The following GPC6 variants were observed in gnomAD, a reference collection of about 807,000 sequenced individuals.
The protein encoded by GPC6 is glypican 6, also known as glypican-6.
A neutral mutation model predicts 55.2 loss-of-function variants in GPC6; 14 were observed. The ratio of observed to expected loss-of-function variants is 0.25; its 90% CI spans 0.17 to 0.40. GPC6 has a LOEUF of 0.40. GPC6 is among the 10% of genes least tolerant of loss of function. The probability of loss-of-function intolerance (pLI) is 1.00; values close to 1 mark genes in which losing one functional copy is unlikely to be tolerated. For missense variants in GPC6, 641 were observed against 708.5 expected (o/e 0.90, Z 1.08); for synonymous variants, 278 against 259.6 (o/e 1.07, Z -0.68).
chr13:93,807,354 T>G (rs1454094788), intron 2 of GPC6, among the ~76,000 whole-genome samples: 1 of 152,196 alleles, frequency 6.6e-6, no homozygotes, highest in Admixed American at 6.5e-5. Flanking sequence ...TTAGAAAATT[T>G]AAAGATTTGT....
chr13:93,334,682 G>A (rs2139141464), intron 1 of GPC6, among the ~76,000 whole-genome samples: 1 of 152,258 alleles, frequency 6.6e-6, no homozygotes, highest in South Asian at 2.1e-4. Context: ...GGCTGGGATA[G>A]TCTCGAACCC....
intron 4 of GPC6, among the ~76,000 whole-genome samples, chr13:94,151,384 A>G (rs1439288403): frequency 1.3e-5 from 2 of 152,158 alleles, no homozygotes; most frequent in African/African-American, 4.8e-5. Flanking sequence ...GACCTTTTAT[A>G]TCTGTCCCCC....
chr13:94,083,327 C>A (rs576766810), intron 4 of GPC6, among the ~76,000 whole-genome samples: 3 of 152,104 alleles, frequency 2.0e-5, no homozygotes, highest in Non-Finnish European at 4.4e-5. Flanking sequence ...ACCGTGTTAG[C>A]CAGGATGGTC....
At chr13:94,194,127 G>C (rs2138966428) in intron 4 of GPC6, among the ~76,000 whole-genome samples, 1 of 152,250 alleles carries the variant, frequency 6.6e-6, no homozygotes, top group East Asian at 1.9e-4. Flanking sequence ...CAGTTATATA[G>C]ATTTAAATAT....
At chr13:94,285,389 G>C (rs1055432167) in intron 4 of GPC6, among the ~76,000 whole-genome samples, 8 of 152,096 alleles carry the variant, frequency 5.3e-5, no homozygotes, top group Admixed American at 4.6e-4. Context: ...CATGGTCAGA[G>C]TTCAACGTGG....
chr13:94,101,354 A>G (rs1566406350), intron 4 of GPC6, among the ~76,000 whole-genome samples: 2 of 152,160 alleles, frequency 1.3e-5, no homozygotes, highest in African/African-American at 2.4e-5. Context: ...TACTCATCTG[A>G]AAAATGAAGC....
rs151091557 is a variant in GPC6, at chr13:93,949,499, A to G, written c.712-78230A>G. ...TCAAGGATCCCCAAGTTCACAATAA[A>G]TGTGTATATTATACATGAGAACAGA... On this transcript the variant is annotated intron_variant, in intron 3 of 8. Coordinates refer to ENST00000377047, the MANE Select transcript of GPC6 (RefSeq NM_005708.5). Among the ~76,000 whole-genome samples the G allele has an allele frequency of 4.1e-3, 619 of 152,252 alleles. 2 individuals are homozygous for G. The highest frequency in any genetic ancestry group is 5.7e-3 in the Non-Finnish European group (391 of 68,012).
intron 1 of GPC6, among the ~76,000 whole-genome samples, chr13:93,522,829 G>A (rs1185489942): frequency 6.6e-6 from 1 of 151,852 alleles, no homozygotes; most frequent in African/African-American, 2.4e-5. Context: ...CCATGGAAGA[G>A]GTTGAAAGAG....
At chr13:93,470,711 T>C (rs915930006) in intron 1 of GPC6, among the ~76,000 whole-genome samples, 1 of 152,066 alleles carries the variant, frequency 6.6e-6, no homozygotes, top group Non-Finnish European at 1.5e-5. Context: ...TTTTATAAAA[T>C]TGGTGTTATT....
intron 3 of GPC6, among the ~76,000 whole-genome samples, chr13:93,894,663 G>A (rs1345581069): frequency 6.6e-6 from 1 of 152,104 alleles, no homozygotes; most frequent in East Asian, 1.9e-4. Flanking sequence ...AAGATTGTCG[G>A]TTGTGGTTTC....
chr13:93,919,004 A>G (rs1009225029), intron 3 of GPC6, among the ~76,000 whole-genome samples: 2 of 152,126 alleles, frequency 1.3e-5, no homozygotes, highest in African/African-American at 4.8e-5. Context: ...TGGTGATTGG[A>G]TCATGGGACA....
At chr13:94,326,260 G>T (rs926271420) in intron 6 of GPC6, among the ~76,000 whole-genome samples, 1 of 151,138 alleles carries the variant, frequency 6.6e-6, no homozygotes, top group Non-Finnish European at 1.5e-5. Context: ...CCAAAATAGA[G>T]AATTATCTTA....
chr13:93,744,727 C>T lies in GPC6; in HGVS notation c.320-85427C>T, dbSNP rs76210710. On this transcript the variant is annotated intron_variant, in intron 2 of 8. Coordinates refer to ENST00000377047, the MANE Select transcript of GPC6 (RefSeq NM_005708.5). ...GGCTGACGCAGGTGGATCACGAGTTCGAGACCAGACTGGCCAATATGGTGA... is the reference window on the plus strand; with the variant it reads ...GGCTGACGCAGGTGGATCACGAGTTTGAGACCAGACTGGCCAATATGGTGA... Among the ~76,000 whole-genome samples the T allele has an allele frequency of 9.1e-3, 1,371 of 151,270 alleles. 18 individuals carry two copies. The highest frequency in any genetic ancestry group is 0.031 in the African/African-American group (1,282 of 41,124).
chr13:93,592,389 A>G (rs1461588320), intron 2 of GPC6, among the ~76,000 whole-genome samples: 1 of 141,736 alleles, frequency 7.1e-6, no homozygotes, highest in East Asian at 2.0e-4. Context: ...ATATCAATAT[A>G]TATTAATATA....
chr13:94,130,267 A>G (rs774343969), intron 4 of GPC6, among the ~76,000 whole-genome samples: 1 of 152,136 alleles, frequency 6.6e-6, no homozygotes, highest in Non-Finnish European at 1.5e-5. Context: ...CCTGTCCACC[A>G]GGCCTCCTAG....
chr13:93,616,579 G>A (rs1878732497), intron 2 of GPC6, among the ~76,000 whole-genome samples: 1 of 152,034 alleles, frequency 6.6e-6, no homozygotes, highest in South Asian at 2.1e-4. Flanking sequence ...TACACAGAGG[G>A]TAAGAAAAAC....
intron 2 of GPC6, among the ~76,000 whole-genome samples, chr13:93,665,450 A>T (rs1881093729): frequency 6.6e-6 from 1 of 152,120 alleles, no homozygotes; most frequent in Admixed American, 6.6e-5. Context: ...TTATGTACCT[A>T]GACATTTCTG....
chr13:94,277,958 C>A (rs1892262684), intron 4 of GPC6, among the ~76,000 whole-genome samples: 1 of 151,984 alleles, frequency 6.6e-6, no homozygotes, highest in Non-Finnish European at 1.5e-5. Context: ...AGTAGTTTTT[C>A]CTAATTTTGT....
intron 4 of GPC6, among the ~76,000 whole-genome samples, chr13:94,189,978 G>A (rs896438776): frequency 1.3e-5 from 2 of 148,250 alleles, no homozygotes; most frequent in African/African-American, 2.5e-5. Context: ...CCGAGATCAC[G>A]CCACTGCACC....
Sources: allele counts gnomAD v4.1 joint callset (sites outside exome capture counted in the v4.1 genomes callset), GRCh38; gene constraint gnomAD v4.1.1; transcripts MANE v1.5; gene names NCBI Gene and HGNC (gene_info 2026-07-23, HGNC 2026-07-21).